The following PTPRK variants were observed in gnomAD, a reference collection of about 807,000 sequenced individuals.
The protein encoded by PTPRK is protein tyrosine phosphatase receptor type K.
A neutral mutation model predicts 178.0 loss-of-function variants in PTPRK; 75 were observed. That is an observed-to-expected ratio of 0.42 (90% confidence interval 0.35 to 0.51). PTPRK has a LOEUF of 0.51. Ranked by LOEUF, PTPRK falls within the 20% of genes least tolerant of loss-of-function variation. The pLI is 0.02. For missense variants in PTPRK, 1,441 were observed against 1,797.8 expected, an observed-to-expected ratio of 0.80 and a Z score of 3.59; for synonymous variants, 637 against 620.6, an observed-to-expected ratio of 1.03 and a Z score of -0.39.
At chr6:128,078,645 T>C (rs1320711513) in intron 11 of PTPRK, among the ~76,000 whole-genome samples, 168 bp downstream of exon 11, 1 of 152,088 alleles carries the variant, frequency 6.6e-6, no homozygotes, top group East Asian at 1.9e-4. Context: ...AATCTCTTAC[T>C]GTGCCTAATT....
At chr6:128,119,736 T>G (rs1193083390) in intron 7 of PTPRK, among the ~76,000 whole-genome samples, 1 of 152,052 alleles carries the variant, frequency 6.6e-6, no homozygotes, top group Non-Finnish European at 1.5e-5. Context: ...TTAAGTATAA[T>G]GGAAAACCAG....
At chr6:128,393,038 A>G (rs1461997487) in intron 2 of PTPRK, among the ~76,000 whole-genome samples, 1 of 150,994 alleles carries the variant, frequency 6.6e-6, no homozygotes, top group Non-Finnish European at 1.5e-5. Flanking sequence ...AAGAAAAATA[A>G]TTTTTTTTGA....
intron 1 of PTPRK, among the ~76,000 whole-genome samples, chr6:128,408,551 A>G (rs1004133959): frequency 6.6e-6 from 1 of 152,242 alleles, no homozygotes; most frequent in African/African-American, 2.4e-5. Flanking sequence ...TTGATCATAG[A>G]GGAGATAACA....
At chr6:128,111,599 T>TGTCACA (rs1365143996) in intron 7 of PTPRK, among the ~76,000 whole-genome samples, 29 of 150,960 alleles carry the variant, frequency 1.9e-4, no homozygotes, top group Non-Finnish European at 2.7e-4. Context: ...ACTTAAAATG[T>TGTCACA]ACCTATAACT....
chr6:128,215,066 A>C (rs1562804441), intron 6 of PTPRK, among the ~76,000 whole-genome samples: 1 of 152,210 alleles, frequency 6.6e-6, no homozygotes, highest in South Asian at 2.1e-4. Flanking sequence ...AGCCATTAAC[A>C]ATGACAAACC....
intron 1 of PTPRK, among the ~76,000 whole-genome samples, chr6:128,430,965 G>A (rs886451029): frequency 6.8e-6 from 1 of 147,956 alleles, no homozygotes; most frequent in African/African-American, 2.5e-5. Context: ...TTGAGATGGA[G>A]TCTTGCTGCG....
At chr6:128,266,557 T>G (rs1818981899) in intron 3 of PTPRK, among the ~76,000 whole-genome samples, 1 of 152,136 alleles carries the variant, frequency 6.6e-6, no homozygotes, top group South Asian at 2.1e-4. Flanking sequence ...CAGACCACAA[T>G]TCCTTCTTCT....
intron 7 of PTPRK, among the ~76,000 whole-genome samples, chr6:128,170,849 AGT>A (rs1452313801): frequency 6.6e-6 from 1 of 151,854 alleles, no homozygotes; most frequent in East Asian, 1.9e-4. Context: ...TTAAAATGCT[AGT>A]GTTATAGATA....
At chr6:127,977,139 T>C (rs1774696959) in intron 25 of PTPRK, 85 bp from the exon 26 acceptor site, 3 of 1,365,080 alleles carry the variant, frequency 2.2e-6, no homozygotes, top group Non-Finnish European at 3.1e-6. Flanking sequence ...CACTTCAATG[T>C]AGGACCAGTA....
intron 7 of PTPRK, among the ~76,000 whole-genome samples, chr6:128,143,702 G>A (rs1178244072): frequency 6.6e-6 from 1 of 152,084 alleles, no homozygotes; most frequent in African/African-American, 2.4e-5. Flanking sequence ...GCCATCCCCT[G>A]TCCTCACTTC....
intron 6 of PTPRK, among the ~76,000 whole-genome samples, chr6:128,197,184 C>CTT (rs5879879): frequency 0.047 from 6,536 of 138,456 alleles, 228 homozygotes; most frequent in Non-Finnish European, 0.06. Context: ...TTGTTTTTTT[C>CTT]TTTTTTTTTT....
chr6:128,122,154 G>A (rs1792575020), intron 7 of PTPRK, among the ~76,000 whole-genome samples: 1 of 152,098 alleles, frequency 6.6e-6, no homozygotes, highest in African/African-American at 2.4e-5. Context: ...ACGTATGCTT[G>A]TAGCAGAGTT....
intron 3 of PTPRK, among the ~76,000 whole-genome samples, chr6:128,284,224 C>T (rs1822112710): frequency 6.6e-6 from 1 of 152,170 alleles, no homozygotes; most frequent in Admixed American, 6.5e-5. Context: ...ATGCCAATGC[C>T]TGTGACTATG....
intron 1 of PTPRK, among the ~76,000 whole-genome samples, chr6:128,455,715 T>C (rs527863727): frequency 1.3e-5 from 2 of 152,158 alleles, no homozygotes; most frequent in Admixed American, 6.6e-5. Context: ...ATGTCTTATG[T>C]AATATTTAAT....
intron 3 of PTPRK, among the ~76,000 whole-genome samples, chr6:128,253,884 A>G (rs915159881): frequency 6.6e-6 from 1 of 152,212 alleles, no homozygotes; most frequent in African/African-American, 2.4e-5. Flanking sequence ...ACCTTTAAGT[A>G]AACCAGATGA....
chr6:128,258,586 A>G (rs1305038463), intron 3 of PTPRK, among the ~76,000 whole-genome samples: 1 of 152,218 alleles, frequency 6.6e-6, no homozygotes, highest in African/African-American at 2.4e-5. Flanking sequence ...CAAGAGATGA[A>G]AAACATAAAA....
chr6:128,162,182 T>TA (rs546108612), intron 7 of PTPRK, among the ~76,000 whole-genome samples: 273 of 151,808 alleles, frequency 1.8e-3, no homozygotes, highest in Admixed American at 4.4e-3. Context: ...CTATAAGACT[T>TA]ACATTTTACA....
intron 1 of PTPRK, among the ~76,000 whole-genome samples, chr6:128,448,950 C>T (rs535873663): frequency 5.1e-4 from 78 of 152,098 alleles, no homozygotes; most frequent in Middle Eastern, 3.2e-3. Flanking sequence ...ACCTCCGCCT[C>T]CTGGGTTCAA....
intron 8 of PTPRK, among the ~76,000 whole-genome samples, chr6:128,088,860 C>T (rs1042339205): frequency 3.3e-5 from 5 of 152,092 alleles, no homozygotes; most frequent in African/African-American, 1.2e-4. Flanking sequence ...TAATAAAGGC[C>T]ATTATATTAG....
Sources: gnomAD v4.1 joint callset for allele counts (sites outside exome capture counted in the v4.1 genomes callset) on GRCh38, gnomAD v4.1.1 for gene constraint, MANE v1.5 for transcripts, NCBI Gene and HGNC (gene_info 2026-07-23, HGNC 2026-07-21) for gene names.